The following TSHR variants were observed in gnomAD, a reference collection of about 807,000 sequenced individuals.
TSHR encodes the protein thyrotropin receptor.
A neutral mutation model predicts 64.1 loss-of-function variants in TSHR; 51 were observed. That is an observed-to-expected ratio of 0.80 (90% confidence interval 0.64 to 1.01). TSHR has a LOEUF of 1.01. Among genes scored for constraint, TSHR ranks in the 50% least tolerant of loss-of-function variants. The probability of loss-of-function intolerance (pLI) is 0.00; values close to 1 mark genes in which losing one functional copy is unlikely to be tolerated. For missense variants in TSHR, 877 were observed against 942.8 expected (o/e 0.93, Z 0.91); for synonymous variants, 361 against 361.9 (o/e 1.00, Z 0.03).
chr14:81,142,379 C>T (rs1450518817), intron 9 of TSHR, among the ~76,000 whole-genome samples: 1 of 151,924 alleles, frequency 6.6e-6, no homozygotes, highest in South Asian at 2.1e-4. Flanking sequence ...TGAGCCAGCA[C>T]ACTTGGCCAC....
intron 8 of TSHR, 27 bp downstream of exon 8, chr14:81,108,479 T>G (rs965426958): frequency 6.3e-7 from 1 of 1,580,908 alleles, no homozygotes; most frequent in African/African-American, 1.4e-5. Context: ...AAAGAATATT[T>G]TAGTCTTTTT....
intron 3 of TSHR, among the ~76,000 whole-genome samples, chr14:81,075,421 C>T (rs1183320005): frequency 6.6e-6 from 1 of 152,060 alleles, no homozygotes; most frequent in African/African-American, 2.4e-5. Context: ...ATTGTCATTC[C>T]CAAAACAAAA....
At chr14:81,007,573 T>C (rs1889668317) in intron 1 of TSHR, among the ~76,000 whole-genome samples, 1 of 152,242 alleles carries the variant, frequency 6.6e-6, no homozygotes, top group South Asian at 2.1e-4. Flanking sequence ...CCACATGTCC[T>C]ATCACTGATG....
At chr14:81,044,326 A>G (rs1315979617) in intron 1 of TSHR, among the ~76,000 whole-genome samples, 2 of 152,176 alleles carry the variant, frequency 1.3e-5, no homozygotes, top group Non-Finnish European at 2.9e-5. Context: ...TCATACGAAA[A>G]AAAGGTCAAC....
chr14:80,961,387 A>C (rs183750547), intron 1 of TSHR, among the ~76,000 whole-genome samples: 1 of 152,274 alleles, frequency 6.6e-6, no homozygotes, highest in East Asian at 1.9e-4. Flanking sequence ...GGGGTGAGGG[A>C]TATTTACTTA....
At chr14:81,008,913 T>C (rs1286304256) in intron 1 of TSHR, among the ~76,000 whole-genome samples, 2 of 152,196 alleles carry the variant, frequency 1.3e-5, no homozygotes, top group African/African-American at 4.8e-5. Context: ...AATATGAAAT[T>C]GTATTTTACC....
chr14:81,003,617 T>C, intron 1 of TSHR: 1 of 196,906 alleles, frequency 5.1e-6, no homozygotes, highest in Non-Finnish European at 1.1e-5. Flanking sequence ...TTTTGAGGGG[T>C]TTTCTGGGTC....
chr14:81,001,745 T>A (rs1889332474), intron 1 of TSHR: 12 of 394,100 alleles, frequency 3.0e-5, no homozygotes, highest in South Asian at 2.5e-4. Flanking sequence ...TATTTGAAAT[T>A]CTTGATTTGC....
chr14:81,090,273 C>T (rs1382605423), intron 4 of TSHR, among the ~76,000 whole-genome samples: 2 of 152,236 alleles, frequency 1.3e-5, no homozygotes, highest in Non-Finnish European at 2.9e-5. Flanking sequence ...GAGACAGAGT[C>T]GCCCTCTGTC....
At chr14:81,125,894 C>A (rs966965440) in intron 8 of TSHR, among the ~76,000 whole-genome samples, 6 of 151,650 alleles carry the variant, frequency 4.0e-5, no homozygotes, top group African/African-American at 1.5e-4. Context: ...AGAGGCACAG[C>A]AAAGGGTCTG....
intron 1 of TSHR, chr14:80,993,598 T>C (rs551821371): frequency 1.3e-5 from 2 of 152,116 alleles, no homozygotes; most frequent in Non-Finnish European, 2.9e-5. Flanking sequence ...CAAATACATG[T>C]TTATAAAACA....
At chr14:81,122,677 A>G (rs867053545) in intron 8 of TSHR, among the ~76,000 whole-genome samples, 6 of 152,300 alleles carry the variant, frequency 3.9e-5, no homozygotes, top group Middle Eastern at 3.4e-3. Flanking sequence ...AAAACAATAC[A>G]TCAAGAAATA....
intron 1 of TSHR, among the ~76,000 whole-genome samples, chr14:80,997,471 G>C (rs1033525318): frequency 8.5e-5 from 13 of 152,144 alleles, no homozygotes; most frequent in African/African-American, 3.1e-4. Context: ...ATGAAAAATG[G>C]ATTTGGGATT....
intron 8 of TSHR, among the ~76,000 whole-genome samples, chr14:81,130,797 C>T (rs28722616): frequency 0.048 from 4,670 of 97,088 alleles, 1,480 homozygotes; most frequent in African/African-American, 0.3. Flanking sequence ...CGAGACCATC[C>T]TGGCTAACAA....
chr14:80,997,995 G>A (rs897922129), intron 1 of TSHR, among the ~76,000 whole-genome samples: 11 of 152,150 alleles, frequency 7.2e-5, no homozygotes, highest in Admixed American at 6.5e-4. Flanking sequence ...TTGGGACTTG[G>A]AAGCATTCTC....
intron 8 of TSHR, among the ~76,000 whole-genome samples, chr14:81,132,106 A>C (rs1400327149): frequency 6.6e-6 from 1 of 152,226 alleles, no homozygotes; most frequent in African/African-American, 2.4e-5. Context: ...AATATTAATA[A>C]ATTAATTACA....
At chr14:81,093,806 C>T (rs944118596) in intron 6 of TSHR, 1 of 152,216 alleles carries the variant, frequency 6.6e-6, no homozygotes, top group Non-Finnish European at 1.5e-5. Context: ...GGCCCAGGCT[C>T]TTAGCCTGCT....
intron 3 of TSHR, 74 bp downstream of exon 3, chr14:81,068,402 G>A: frequency 6.5e-6 from 9 of 1,379,782 alleles, no homozygotes; most frequent in Non-Finnish European, 9.2e-6. Context: ...GGCTCCAGAT[G>A]GCAATGGGAG....
chr14:81,086,323 G>C (rs1888283981), intron 3 of TSHR, among the ~76,000 whole-genome samples: 1 of 152,164 alleles, frequency 6.6e-6, no homozygotes, highest in Non-Finnish European at 1.5e-5. Context: ...AGAGGTAGGT[G>C]ATTTCTGTTC....
Sources: allele counts gnomAD v4.1 joint callset (sites outside exome capture counted in the v4.1 genomes callset), GRCh38; gene constraint gnomAD v4.1.1; transcripts MANE v1.5; gene names NCBI Gene and HGNC (gene_info 2026-07-23, HGNC 2026-07-21).